MYO5B: variants seen among roughly 807,000 people sequenced by gnomAD.
MYO5B encodes the protein myosin VB, also known as unconventional myosin-Vb.
Under a neutral mutation model 229.3 loss-of-function variants are expected in MYO5B, and 143 were observed. The ratio of observed to expected loss-of-function variants is 0.62; its 90% CI spans 0.54 to 0.72. The LOEUF is 0.72. MYO5B is among the 30% of genes least tolerant of loss of function. The probability of loss-of-function intolerance (pLI) is 0.00; values close to 1 mark genes in which losing one functional copy is unlikely to be tolerated. For synonymous variants in MYO5B, 918 were observed against 885.2 expected (o/e 1.04, Z -0.66); for missense variants, 2,321 against 2,331.0 (o/e 1.00, Z 0.09).
At chr18:50,085,468 G>C (rs2031310345) in intron 1 of MYO5B, among the ~76,000 whole-genome samples, 1 of 152,034 alleles carries the variant, frequency 6.6e-6, no homozygotes, top group African/African-American at 2.4e-5. Flanking sequence ...CTGCTGGTGG[G>C]ACTGTAAACT....
chr18:50,010,024 A>T (rs1019592452), intron 4 of MYO5B, among the ~76,000 whole-genome samples: 1 of 152,196 alleles, frequency 6.6e-6, no homozygotes, highest in Non-Finnish European at 1.5e-5. Flanking sequence ...GGCACCACTC[A>T]GCCACAGCCC....
chr18:49,990,954 G>C (rs1281965704), intron 6 of MYO5B, among the ~76,000 whole-genome samples: 2 of 152,088 alleles, frequency 1.3e-5, no homozygotes, highest in Non-Finnish European at 2.9e-5. Flanking sequence ...GGTCAGGCTG[G>C]GCAGACAGGA....
rs528365095 is a variant in MYO5B at position 50,088,451 on chromosome 18, T to A, written c.28-33073A>T. 5.3e-5 allele frequency among the ~76,000 whole-genome samples: 8 copies of A among 152,340 alleles called. No homozygotes were observed. In the South Asian group the frequency reaches 1.7e-3, roughly 32 times the overall value. On this transcript the variant is annotated intron_variant, in intron 1 of 39. Transcript: ENST00000285039. ...AGTGCAGCACTGGTAAAACCACCAATGTGAAATATTTCTCAGGTGACTTTA... is the reference window on the plus strand; with the variant it reads ...AGTGCAGCACTGGTAAAACCACCAAAGTGAAATATTTCTCAGGTGACTTTA...
chr18:50,046,338 T>C (rs150666195), intron 2 of MYO5B, among the ~76,000 whole-genome samples: 2 of 152,328 alleles, frequency 1.3e-5, no homozygotes, highest in East Asian at 3.9e-4. Flanking sequence ...GCCTTTTAAG[T>C]TCTCCAGGGG....
At chr18:50,141,840 A>C (rs2144287450) in intron 1 of MYO5B, among the ~76,000 whole-genome samples, 1 of 152,330 alleles carries the variant, frequency 6.6e-6, no homozygotes, top group Non-Finnish European at 1.5e-5. Flanking sequence ...CTGGAGCTGA[A>C]GCCCTGCCCA....
At chr18:49,985,351 G>A (rs2025859613) in intron 7 of MYO5B, among the ~76,000 whole-genome samples, 1 of 152,168 alleles carries the variant, frequency 6.6e-6, no homozygotes, top group Non-Finnish European at 1.5e-5. Context: ...ACCCTTACAT[G>A]TTTGCTGTCA....
At chr18:50,024,661 G>A (rs955284210) in intron 4 of MYO5B, among the ~76,000 whole-genome samples, 4 of 152,136 alleles carry the variant, frequency 2.6e-5, no homozygotes, top group African/African-American at 9.7e-5. Context: ...AGCCAGGAAG[G>A]TTCAAAGGCA....
intron 7 of MYO5B, among the ~76,000 whole-genome samples, chr18:49,988,725 G>A (rs898526726): frequency 2.0e-5 from 3 of 152,184 alleles, no homozygotes; most frequent in African/African-American, 4.8e-5. Flanking sequence ...GAAGGAAAGA[G>A]GAGGATGGCA....
chr18:50,029,515 G>T (rs540878640), intron 4 of MYO5B, among the ~76,000 whole-genome samples: 1 of 152,200 alleles, frequency 6.6e-6, no homozygotes, highest in Non-Finnish European at 1.5e-5. Context: ...ATTCAGGGCT[G>T]ACTGAAGTCC....
At position 49,826,433 on chromosome 18, in the gene MYO5B, C is replaced by T. The variant is rs768541976; in HGVS notation, c.*38G>A. On this transcript the variant is annotated 3_prime_UTR_variant, in exon 40 of 40. Transcript: ENST00000285039. Reference sequence around the variant, plus strand: ...TTACTGTATATACTTCCTTCTTGCTCACATTGGGAATCAAACTAATGCTGG... The same window carrying T: ...TTACTGTATATACTTCCTTCTTGCTTACATTGGGAATCAAACTAATGCTGG... 1.5e-5 allele frequency: 24 copies of T among 1,611,102 alleles called. No individual in the cohort carries two copies. The South Asian group carries it at 2.5e-4, about 17-fold the overall frequency.
At chr18:50,167,844 C>T (rs748192332) in intron 1 of MYO5B, among the ~76,000 whole-genome samples, 3 of 152,146 alleles carry the variant, frequency 2.0e-5, no homozygotes, top group Non-Finnish European at 4.4e-5. Context: ...TCAAGCCAAG[C>T]CCATCTGCCC....
At position 49,912,005 on chromosome 18, in the gene MYO5B, C is replaced by T. The variant is rs938051516; in HGVS notation, c.2202+57G>A. The T allele has an allele frequency of 3.3e-5, 45 of 1,343,962 alleles. No homozygotes were observed. In the African/African-American group the frequency reaches 6.2e-4, roughly 18 times the overall value. 83.3% of individuals were successfully genotyped at this position (1,343,962 alleles called of 1,614,324 possible). On this transcript the variant is annotated intron_variant, in intron 18 of 39. Coordinates refer to ENST00000285039, the MANE Select transcript of MYO5B (RefSeq NM_001080467.3). ...AAAAATGTAGATAACGACGCCACCCCCTCAATCTTTAGGGGACCTGGTCAG... is the reference window on the plus strand; with the variant it reads ...AAAAATGTAGATAACGACGCCACCCTCTCAATCTTTAGGGGACCTGGTCAG...
At chr18:50,055,225 G>GGGGCCCCCCCCCC in intron 2 of MYO5B, 43 bp downstream of exon 2, 2 of 700,372 alleles carry the variant, frequency 2.9e-6, no homozygotes, top group Non-Finnish European at 2.7e-6. Context: ...TGAGCTCCCT[G>GGGGCCCCCCCCCC]CCCCACCTCA....
chr18:50,129,554 C>G (rs2032221129), intron 1 of MYO5B, among the ~76,000 whole-genome samples: 1 of 152,210 alleles, frequency 6.6e-6, no homozygotes. Context: ...AGACACCTCA[C>G]CATACGCCAG....
chr18:49,979,979 G>A (rs2025797025), intron 9 of MYO5B, among the ~76,000 whole-genome samples: 1 of 152,192 alleles, frequency 6.6e-6, no homozygotes, highest in East Asian at 1.9e-4. Context: ...TCACATGTGT[G>A]TCTCACTTAA....
chr18:50,081,514 T>C (rs1440715495), intron 1 of MYO5B, among the ~76,000 whole-genome samples: 7 of 152,182 alleles, frequency 4.6e-5, no homozygotes, highest in African/African-American at 4.8e-5. Context: ...AACATCTTCA[T>C]TGTGAAGGTA....
intron 1 of MYO5B, among the ~76,000 whole-genome samples, chr18:50,162,289 C>G (rs1344613418): frequency 6.6e-6 from 1 of 152,106 alleles, no homozygotes; most frequent in Non-Finnish European, 1.5e-5. Flanking sequence ...CCATCCCTCC[C>G]TCCCTCCCTA....
intron 22 of MYO5B, 116 bp downstream of exon 22, chr18:49,894,825 C>T (rs1209619084): frequency 2.3e-6 from 2 of 881,138 alleles, no homozygotes; most frequent in Non-Finnish European, 1.8e-6. Context: ...AGTCTGTGCA[C>T]ATGAGCCCAA....
chr18:49,963,333 G>A (rs1433854594), intron 10 of MYO5B, among the ~76,000 whole-genome samples: 1 of 151,968 alleles, frequency 6.6e-6, no homozygotes, highest in Non-Finnish European at 1.5e-5. Context: ...ATATCTTGGT[G>A]GGTTTCCTTT....
Sources: allele counts gnomAD v4.1 joint callset (sites outside exome capture counted in the v4.1 genomes callset), GRCh38; gene constraint gnomAD v4.1.1; transcripts MANE v1.5; gene names NCBI Gene and HGNC (gene_info 2026-07-23, HGNC 2026-07-21).